CPQ: variants seen among roughly 807,000 people sequenced by gnomAD.
CPQ encodes the protein Ser-Met dipeptidase.
In CPQ, 37 loss-of-function variants were observed where a neutral mutation model predicts 45.7. That is an observed-to-expected ratio of 0.81 (90% CI 0.62 to 1.07). The LOEUF (loss-of-function observed/expected upper bound fraction) is 1.07. Ranked by LOEUF, CPQ falls within the 50% of genes least tolerant of loss-of-function variation. CPQ has a pLI of 0.00. For missense variants in CPQ, 537 were observed against 572.9 expected, an observed-to-expected ratio of 0.94 and a Z score of 0.64; for synonymous variants, 186 against 205.8, an observed-to-expected ratio of 0.90 and a Z score of 0.82.
At chr8:96,738,454 T>A (rs915264134) in intron 1 of CPQ, among the ~76,000 whole-genome samples, 3 of 151,788 alleles carry the variant, frequency 2.0e-5, no homozygotes, top group Admixed American at 1.3e-4. Context: ...ATTTTTTTAT[T>A]TTTTATTTAT....
At chr8:96,968,894 A>G (rs1039117958) in intron 5 of CPQ, among the ~76,000 whole-genome samples, 3 of 152,196 alleles carry the variant, frequency 2.0e-5, no homozygotes, top group African/African-American at 7.2e-5. Context: ...GTAACTGTCT[A>G]CAGAAGGCTG....
At chr8:97,059,575 C>T (rs1338378851) in intron 6 of CPQ, among the ~76,000 whole-genome samples, 1 of 151,496 alleles carries the variant, frequency 6.6e-6, no homozygotes, top group Non-Finnish European at 1.5e-5. Flanking sequence ...AAAATAAAGG[C>T]TGTCTTTCTA....
chr8:96,828,579 C>T (rs946244107), intron 2 of CPQ, among the ~76,000 whole-genome samples: 1 of 151,982 alleles, frequency 6.6e-6, no homozygotes, highest in Non-Finnish European at 1.5e-5. Context: ...CATTGCCACA[C>T]CTGGATTTTC....
chr8:96,678,392 T>C (rs1809103226), intron 1 of CPQ, among the ~76,000 whole-genome samples: 1 of 152,126 alleles, frequency 6.6e-6, no homozygotes, highest in Non-Finnish European at 1.5e-5. Flanking sequence ...TTTACCTCTT[T>C]GGTTGATATA....
rs182706671 is a variant in CPQ, at chr8:97,044,452, G to A, written c.1053+14958G>A. On this transcript the variant is annotated intron_variant, in intron 6 of 7. Coordinates refer to ENST00000220763, the MANE Select transcript of CPQ (RefSeq NM_016134.4). ...GAATTTCCTCCTGTAGCTCGGAGTA[G>A]TTTGATTGTCTGAAGCCTTCTTCTC... 2.1e-3 allele frequency among the ~76,000 whole-genome samples: 325 copies of A among 152,268 alleles called. 1 individual carries two copies. The highest frequency in any genetic ancestry group is 3.5e-3 in the Non-Finnish European group (239 of 68,018).
chr8:97,066,259 A>G, intron 7 of CPQ, 49 bp downstream of exon 7: 1 of 1,547,506 alleles, frequency 6.5e-7, no homozygotes, highest in Non-Finnish European at 8.8e-7. Flanking sequence ...CCAACAATTT[A>G]AAATAAAATT....
chr8:96,699,760 A>G (rs892859687), intron 1 of CPQ, among the ~76,000 whole-genome samples: 2 of 152,096 alleles, frequency 1.3e-5, no homozygotes, highest in African/African-American at 4.8e-5. Context: ...AAGCACACCT[A>G]TTCTAAAGTG....
chr8:96,778,780 G>A (rs1384884824), intron 1 of CPQ, among the ~76,000 whole-genome samples: 3 of 151,984 alleles, frequency 2.0e-5, no homozygotes, highest in East Asian at 1.9e-4. Context: ...AAAATGGCAT[G>A]TTATGGCAAA....
At chr8:96,653,890 G>T (rs73696210) in intron 1 of CPQ, among the ~76,000 whole-genome samples, 20,217 of 152,092 alleles carry the variant, frequency 0.13, 1,697 homozygotes, top group African/African-American at 0.24. Flanking sequence ...TGGTGTAACT[G>T]TCTGGAAATA....
At chr8:97,031,340 C>T (rs1374471361) in intron 6 of CPQ, among the ~76,000 whole-genome samples, 1 of 151,868 alleles carries the variant, frequency 6.6e-6, no homozygotes, top group Non-Finnish European at 1.5e-5. Flanking sequence ...GCGTGTGCCA[C>T]CACGCCCAGC....
intron 1 of CPQ, among the ~76,000 whole-genome samples, chr8:96,752,155 C>T (rs1233717744): frequency 6.6e-6 from 1 of 152,048 alleles, no homozygotes; most frequent in Non-Finnish European, 1.5e-5. Context: ...ATTTTTTGTT[C>T]TAATTCTGTG....
At chr8:96,798,303 G>A (rs1048980432) in intron 2 of CPQ, among the ~76,000 whole-genome samples, 2 of 151,618 alleles carry the variant, frequency 1.3e-5, no homozygotes, top group African/African-American at 4.8e-5. Flanking sequence ...CTAATTTTTC[G>A]ATTTTTTTTA....
intron 1 of CPQ, among the ~76,000 whole-genome samples, chr8:96,749,897 G>A (rs961100059): frequency 6.6e-6 from 1 of 152,018 alleles, no homozygotes; most frequent in South Asian, 2.1e-4. Flanking sequence ...AGTATACCAG[G>A]ATTTTTGTAT....
chr8:97,101,565 CTTTTT>C (rs1811305302), intron 7 of CPQ, among the ~76,000 whole-genome samples: 1 of 87,476 alleles, frequency 1.1e-5, no homozygotes, highest in Admixed American at 1.4e-4. Context: ...GTCTTTTTTT[CTTTTT>C]TCTTTTTTTT....
intron 1 of CPQ, among the ~76,000 whole-genome samples, chr8:96,694,879 A>G (rs1013027422): frequency 3.9e-5 from 6 of 152,180 alleles, no homozygotes; most frequent in Non-Finnish European, 8.8e-5. Flanking sequence ...GTTTTTTCCA[A>G]TTCTGTGAAG....
intron 4 of CPQ, among the ~76,000 whole-genome samples, chr8:96,954,864 T>C (rs527508746): frequency 3.3e-5 from 5 of 152,216 alleles, no homozygotes; most frequent in African/African-American, 1.2e-4. Context: ...TTTTTGTCCT[T>C]GTGATAGTTT....
At chr8:97,010,748 C>G (rs1031566550) in intron 5 of CPQ, among the ~76,000 whole-genome samples, 2 of 152,180 alleles carry the variant, frequency 1.3e-5, no homozygotes, top group Non-Finnish European at 2.9e-5. Flanking sequence ...CTCCTTCTCT[C>G]TGCAGAGAAC....
chr8:96,663,764 G>T (rs1209347348), intron 1 of CPQ, among the ~76,000 whole-genome samples: 3 of 151,746 alleles, frequency 2.0e-5, no homozygotes, highest in African/African-American at 7.3e-5. Context: ...GTGTGTGTTT[G>T]TGTGTGTGTG....
chr8:96,947,475 C>T (rs1813206664), intron 4 of CPQ, among the ~76,000 whole-genome samples: 1 of 152,030 alleles, frequency 6.6e-6, no homozygotes, highest in Admixed American at 6.6e-5. Flanking sequence ...CTTTGTAATA[C>T]ATGTTGAAAT....
Sources: gnomAD v4.1 joint callset for allele counts (sites outside exome capture counted in the v4.1 genomes callset) on GRCh38, gnomAD v4.1.1 for gene constraint, MANE v1.5 for transcripts, NCBI Gene and HGNC (gene_info 2026-07-23, HGNC 2026-07-21) for gene names.